SLC24A3: variants seen among roughly 807,000 people sequenced by gnomAD.
The protein encoded by SLC24A3 is sodium/potassium/calcium exchanger 3.
A neutral mutation model predicts 75.8 loss-of-function variants in SLC24A3; 28 were observed. The ratio of observed to expected loss-of-function variants is 0.37; its 90% CI spans 0.27 to 0.51. SLC24A3 has a LOEUF of 0.51. Ranked by LOEUF, SLC24A3 falls within the 20% of genes least tolerant of loss-of-function variation. The pLI is 0.94. For missense variants in SLC24A3, 663 were observed against 847.8 expected, an observed-to-expected ratio of 0.78 and a Z score of 2.71; for synonymous variants, 372 against 334.1, an observed-to-expected ratio of 1.11 and a Z score of -1.24.
At chr20:19,581,606 T>C (rs2031219362) in intron 4 of SLC24A3, among the ~76,000 whole-genome samples, 1 of 152,206 alleles carries the variant, frequency 6.6e-6, no homozygotes, top group South Asian at 2.1e-4. Flanking sequence ...GTCCCTGATA[T>C]GGTTCAGTCG....
At position 19,585,503 on chromosome 20, in the gene SLC24A3, A is replaced by G; in HGVS notation, c.571A>G (p.Ile191Val). ...GTIVGSAVFNILCIIGVCGLF... is the reference protein window; with the variant it reads ...GTIVGSAVFNVLCIIGVCGLF... ...CATCGTGGGCTCAGCGGTATTCAACATCCTGTGCATCATTGGTGTCTGTGG... is the reference window on the plus strand; with the variant it reads ...CATCGTGGGCTCAGCGGTATTCAACGTCCTGTGCATCATTGGTGTCTGTGG... The change falls in exon 6 of 17, where the codon ATC becomes GTC. Residue 191 changes from isoleucine (I) to valine (V), a missense_variant. Ile to Val is a conservative substitution (Grantham distance 29). Around this residue, in one of 2 missense-constraint regions of SLC24A3, gnomAD observed 510 missense variants for 703.6 expected, o/e 0.72. Coordinates refer to ENST00000328041, the MANE Select transcript of SLC24A3 (RefSeq NM_020689.4). 6.2e-7 allele frequency: 1 copy of G among 1,614,114 alleles called. No homozygotes were observed. Among genetic ancestry groups the G allele is most frequent in the Non-Finnish European group, 8.5e-7 (1 of 1,180,012 alleles).
intron 7 of SLC24A3, among the ~76,000 whole-genome samples, chr20:19,660,235 G>A (rs1046926695): frequency 6.6e-6 from 1 of 152,062 alleles, no homozygotes; most frequent in African/African-American, 2.4e-5. Context: ...CCCTTCACCG[G>A]AGTAGTGTAC....
At chr20:19,583,959 G>A (rs1319719012) in intron 4 of SLC24A3, among the ~76,000 whole-genome samples, 1 of 152,180 alleles carries the variant, frequency 6.6e-6, no homozygotes, top group Admixed American at 6.5e-5. Flanking sequence ...ACTCAATGGA[G>A]GCCAGTGACC....
At chr20:19,229,829 G>T (rs896067977) in intron 1 of SLC24A3, among the ~76,000 whole-genome samples, 8 of 151,840 alleles carry the variant, frequency 5.3e-5, no homozygotes, top group Non-Finnish European at 1.0e-4. Flanking sequence ...TTGGTAATTT[G>T]ATTTTCAGCA....
In SLC24A3 at chr20:19,674,586, C is replaced by T. The variant is rs117217726; in HGVS notation, c.767+932C>T. ...TTATAATATCCCAGAAGTCACACGC[C>T]ATTACTTCTACCATATTCTGTTTAT... On this transcript the variant is annotated intron_variant, in intron 9 of 16. Transcript: ENST00000328041. Among the ~76,000 whole-genome samples the T allele has an allele frequency of 7.2e-5, 11 of 152,312 alleles. No homozygotes were observed. The East Asian group carries it at 2.1e-3, about 29-fold the overall frequency.
chr20:19,671,975 C>T (rs552121776), intron 8 of SLC24A3, among the ~76,000 whole-genome samples: 3 of 152,136 alleles, frequency 2.0e-5, no homozygotes, highest in East Asian at 1.9e-4. Flanking sequence ...TGTGGCCTCT[C>T]GGCAGTCAGA....
At chr20:19,348,366 T>A (rs1296015897) in intron 2 of SLC24A3, among the ~76,000 whole-genome samples, 1 of 152,194 alleles carries the variant, frequency 6.6e-6, no homozygotes, top group African/African-American at 2.4e-5. Flanking sequence ...GCAAACACAG[T>A]CATAGCTGGA....
chr20:19,246,031 A>G (rs1982475798), intron 1 of SLC24A3, among the ~76,000 whole-genome samples: 1 of 152,156 alleles, frequency 6.6e-6, no homozygotes, highest in South Asian at 2.1e-4. Context: ...ATAGCATAAT[A>G]TTTTCCAAAA....
chr20:19,404,021 G>A (rs974696885), intron 2 of SLC24A3, among the ~76,000 whole-genome samples: 14 of 152,202 alleles, frequency 9.2e-5, no homozygotes, highest in African/African-American at 3.1e-4. Flanking sequence ...ACTTGATGAA[G>A]GTCACGTATC....
At chr20:19,679,152 G>A (rs1321910481) in intron 9 of SLC24A3, among the ~76,000 whole-genome samples, 2 of 151,998 alleles carry the variant, frequency 1.3e-5, no homozygotes, top group African/African-American at 2.4e-5. Context: ...CAAGGCAGGC[G>A]GCTGGGAGGT....
At chr20:19,389,280 T>A (rs1352720394) in intron 2 of SLC24A3, among the ~76,000 whole-genome samples, 7 of 152,304 alleles carry the variant, frequency 4.6e-5, no homozygotes, top group Admixed American at 3.3e-4. Context: ...AATATTAGAA[T>A]ACTCTCAATT....
At chr20:19,497,183 T>A (rs1229774028) in intron 2 of SLC24A3, among the ~76,000 whole-genome samples, 2 of 152,216 alleles carry the variant, frequency 1.3e-5, no homozygotes, top group East Asian at 3.9e-4. Context: ...AACAGGAGAA[T>A]CTGAGTCAGC....
At position 19,580,044 on chromosome 20, in the gene SLC24A3, C is replaced by T. The variant is rs759302970; in HGVS notation, c.393C>T (p.Phe131=). The T allele has an allele frequency of 6.2e-7, 1 of 1,613,952 alleles. No individual in the cohort carries two copies. Among genetic ancestry groups the T allele is most frequent in the South Asian group, 1.1e-5 (1 of 91,066 alleles). The part of the protein sequence containing the change: ...FYALAIVCDD[F]FVPSLEKICE... ...CGCTGGCCATTGTGTGTGATGACTT[C>T]TTCGTCCCTTCCTTGGAAAAGATCT... is the stretch of plus-strand genomic sequence containing the variant. Residue 131 remains phenylalanine, a synonymous_variant, in exon 4 of 17, where the codon TTC becomes TTT. Coordinates refer to ENST00000328041, the MANE Select transcript of SLC24A3 (RefSeq NM_020689.4).
Position 19,316,475 on chromosome 20 carries a change from G to A in SLC24A3, c.271+35388G>A, listed in dbSNP as rs551527018. Among the ~76,000 whole-genome samples, 4 of 152,342 alleles carry A rather than the reference G, an allele frequency of 2.6e-5. No individual in the cohort carries two copies. In the South Asian group the frequency reaches 8.3e-4, roughly 32 times the overall value. ...AGCAAGTACGATGGTCCCTTTGACA[G>A]GACAGGGTTTCCCTGTTTAATCTGA... On this transcript the variant is annotated intron_variant, in intron 2 of 16. Transcript: ENST00000328041.
chr20:19,476,819 AC>A (rs1987969161), intron 2 of SLC24A3, among the ~76,000 whole-genome samples: 1 of 152,164 alleles, frequency 6.6e-6, no homozygotes, highest in African/African-American at 2.4e-5. Flanking sequence ...AGAGGCATCC[AC>A]CAGAGGAGGA....
In SLC24A3 at chr20:19,327,196, G is replaced by A. The variant is rs188778629; in HGVS notation, c.271+46109G>A. Among the ~76,000 whole-genome samples, 287 of 152,292 alleles carry A rather than the reference G, an allele frequency of 1.9e-3. 3 individuals are homozygous for A. The highest frequency in any genetic ancestry group is 6.8e-3 in the Middle Eastern group (2 of 294). ...TGGAGAGGTAGATTACTGGAAATGC[G>A]TTGAGCTTGTCCAGCTATTGAGAAG... is the stretch of plus-strand genomic sequence containing the variant. On this transcript the variant is annotated intron_variant, in intron 2 of 16. Transcript: ENST00000328041.
intron 1 of SLC24A3, among the ~76,000 whole-genome samples, chr20:19,273,270 A>G (rs920858253): frequency 2.6e-5 from 4 of 152,200 alleles, no homozygotes; most frequent in African/African-American, 7.2e-5. Context: ...TTTGATGGGA[A>G]GTAGAGAAAG....
chr20:19,552,268 C>T (rs549425492), intron 3 of SLC24A3, among the ~76,000 whole-genome samples: 5 of 152,306 alleles, frequency 3.3e-5, no homozygotes, highest in African/African-American at 1.2e-4. Flanking sequence ...CTCTGAACAA[C>T]TCCCCTCCCA....
At chr20:19,585,615 G>C in intron 6 of SLC24A3, 71 bp downstream of exon 6, 1 of 1,443,758 alleles carries the variant, frequency 6.9e-7, no homozygotes, top group Non-Finnish European at 9.7e-7. Flanking sequence ...AGTTTAGGCA[G>C]GAGACTGTCT....
Sources: allele counts gnomAD v4.1 joint callset (sites outside exome capture counted in the v4.1 genomes callset), GRCh38; gene constraint gnomAD v4.1.1; regional missense constraint gnomAD v4.1.1; transcripts MANE v1.5; gene names NCBI Gene and HGNC (gene_info 2026-07-23, HGNC 2026-07-21).